Variants in CRISPLD2 observed in about 807,000 individuals in gnomAD.
The protein encoded by CRISPLD2 is cysteine rich secretory protein LCCL domain containing 2.
Under a neutral mutation model 71.1 loss-of-function variants are expected in CRISPLD2, and 47 were observed. The observed-to-expected ratio is 0.66, with a 90% CI of 0.52 to 0.84. The LOEUF is 0.84. Ranked by LOEUF, CRISPLD2 falls within the 40% of genes least tolerant of loss-of-function variation. The pLI, the probability that CRISPLD2 is intolerant of heterozygous loss-of-function variation, is 0.00. For synonymous variants in CRISPLD2, 317 were observed against 250.1 expected (o/e 1.27, Z -2.52); for missense variants, 830 against 651.1 (o/e 1.27, Z -2.99).
intron 1 of CRISPLD2, among the ~76,000 whole-genome samples, chr16:84,826,719 G>T (rs1227481634): frequency 6.6e-6 from 1 of 152,240 alleles, no homozygotes; most frequent in African/African-American, 2.4e-5. Flanking sequence ...CTCAGACTTG[G>T]GATGAACTGG....
At chr16:84,881,676 A>G (rs1227150766) in intron 13 of CRISPLD2, among the ~76,000 whole-genome samples, 2 of 152,100 alleles carry the variant, frequency 1.3e-5, no homozygotes, top group African/African-American at 2.4e-5. Flanking sequence ...AGGTCTCACT[A>G]TGTTGCCCAG....
At chr16:84,902,835 G>A (rs561723080) in intron 14 of CRISPLD2, among the ~76,000 whole-genome samples, 20 of 137,676 alleles carry the variant, frequency 1.5e-4, no homozygotes, top group Admixed American at 7.5e-4. Flanking sequence ...GTGCAGTGGC[G>A]TGATCTCGCT....
At chr16:84,834,152 T>C (rs1916557852) in intron 1 of CRISPLD2, among the ~76,000 whole-genome samples, 1 of 152,090 alleles carries the variant, frequency 6.6e-6, no homozygotes, top group Non-Finnish European at 1.5e-5. Context: ...GTGGGAGTGA[T>C]GGAGCCCAGA....
rs772762798 is a variant in CRISPLD2 at position 84,867,824 on chromosome 16, G to T, written c.853+784G>T. Among the ~76,000 whole-genome samples, 3 of 152,110 alleles carry T rather than the reference G, an allele frequency of 2.0e-5. No homozygotes were observed. The East Asian group carries it at 5.8e-4, about 29-fold the overall frequency. On this transcript the variant is annotated intron_variant, in intron 7 of 14. Coordinates refer to ENST00000262424, the MANE Select transcript of CRISPLD2 (RefSeq NM_031476.4). The stretch of plus-strand genomic sequence containing the variant: ...TTGACTCTTCCCCTGCTCACCTTTG[G>T]CCTTTTGGCTCCCTGGGCACCTCAG...
intron 1 of CRISPLD2, among the ~76,000 whole-genome samples, chr16:84,825,741 C>T (rs927110359): frequency 3.3e-5 from 5 of 151,170 alleles, no homozygotes; most frequent in South Asian, 2.1e-4. Flanking sequence ...GGTGACAGAG[C>T]GAGACTCCAT....
chr16:84,827,930 G>GC (rs1425541259), intron 1 of CRISPLD2, among the ~76,000 whole-genome samples: 1 of 152,104 alleles, frequency 6.6e-6, no homozygotes, highest in Non-Finnish European at 1.5e-5. Context: ...GAGTGGTTCT[G>GC]CCCCCCTCCT....
intron 11 of CRISPLD2, 75 bp from the exon 12 acceptor site, chr16:84,877,363 C>T (rs2071528325): frequency 3.7e-6 from 5 of 1,339,836 alleles, no homozygotes; most frequent in Non-Finnish European, 5.3e-6. Context: ...AGTCTAGTGG[C>T]CCATTGCACA....
intron 2 of CRISPLD2, among the ~76,000 whole-genome samples, chr16:84,844,809 T>TCGCTGA (rs1469056469): frequency 2.6e-5 from 4 of 152,120 alleles, no homozygotes; most frequent in Non-Finnish European, 5.9e-5. Flanking sequence ...GGCCTGTGTG[T>TCGCTGA]CGCTGACGTG....
intron 1 of CRISPLD2, among the ~76,000 whole-genome samples, chr16:84,824,632 T>G (rs1916306452): frequency 6.6e-6 from 1 of 152,176 alleles, no homozygotes; most frequent in African/African-American, 2.4e-5. Context: ...ACAAAGCCTT[T>G]GGTTGGTGTC....
chr16:84,841,795 A>G (rs757793234), intron 2 of CRISPLD2, among the ~76,000 whole-genome samples: 17 of 152,120 alleles, frequency 1.1e-4, no homozygotes, highest in Non-Finnish European at 2.1e-4. Context: ...GGTGTTTGCC[A>G]TGTTGGCCAG....
At chr16:84,906,410 C>G (rs2646107) in intron 14 of CRISPLD2, among the ~76,000 whole-genome samples, 178 bp from the exon 15 acceptor site, 123,559 of 152,110 alleles carry the variant, frequency 0.81, 50,669 homozygotes, top group African/African-American at 0.93. Flanking sequence ...GGATTTGCCA[C>G]CTGTTCTCAA....
rs74934991 is a variant in CRISPLD2, at chr16:84,868,968, C to G, written c.914+57C>G. ...AGCCTCTGAGTCTGTGCTGGGCTGT[C>G]CTACCACTGTGGCCTCTGGGCCTAT... On this transcript the variant is annotated intron_variant, in intron 8 of 14. Transcript: ENST00000262424. 8.2e-4 allele frequency: 1,195 copies of G among 1,464,622 alleles called. 7 individuals are homozygous for G. In the African/African-American group the frequency reaches 0.016, roughly 19 times the overall value. 90.7% of individuals were successfully genotyped at this position (1,464,622 alleles called of 1,614,324 possible).
intron 1 of CRISPLD2, among the ~76,000 whole-genome samples, chr16:84,830,793 T>C (rs752026634): frequency 3.3e-5 from 5 of 152,206 alleles, no homozygotes; most frequent in Admixed American, 2.0e-4. Context: ...CATTTTACTG[T>C]GGCCTCTGCT....
Position 84,880,140 on chromosome 16 carries a change from G to A in CRISPLD2, c.1230-369G>A, listed in dbSNP as rs113928575. ...GCGGCCTTAGAAAAAGTCTCTTGATGCTAATCTCCATAATGTACCCACAGT... is the reference window on the plus strand; with the variant it reads ...GCGGCCTTAGAAAAAGTCTCTTGATACTAATCTCCATAATGTACCCACAGT... On this transcript the variant is annotated intron_variant, in intron 12 of 14. Transcript: ENST00000262424. Among the ~76,000 whole-genome samples, 8 of 152,268 alleles carry A rather than the reference G, an allele frequency of 5.3e-5. 2 individuals carry two copies. Among genetic ancestry groups the A allele is most frequent in the African/African-American group, 1.9e-4 (8 of 41,546 alleles).
intron 13 of CRISPLD2, among the ~76,000 whole-genome samples, chr16:84,886,111 A>G (rs2071610820): frequency 6.6e-6 from 1 of 151,974 alleles, no homozygotes; most frequent in Non-Finnish European, 1.5e-5. Flanking sequence ...GCTGATCTCA[A>G]ACTCCTGTCC....
At chr16:84,859,726 A>G (rs1272922122) in intron 6 of CRISPLD2, among the ~76,000 whole-genome samples, 3 of 152,224 alleles carry the variant, frequency 2.0e-5, no homozygotes, top group Admixed American at 1.3e-4. Context: ...GAGCAGCACA[A>G]TTAATTAGCC....
Position 84,909,125 on chromosome 16 carries a change from C to A in CRISPLD2, c.*2483C>A, listed in dbSNP as rs1011186034. 1 of 152,568 alleles carries A rather than the reference C, an allele frequency of 6.6e-6. No individual in the cohort carries two copies. Among genetic ancestry groups the A allele is most frequent in the African/African-American group, 2.4e-5 (1 of 41,400 alleles). The allele number at this position is 152,568 out of a possible 1,614,324, so 9.5% of individuals were successfully genotyped here. A position where few individuals can be genotyped will look rare whatever the true frequency, so the allele number is the denominator to read the frequency against. On this transcript the variant is annotated 3_prime_UTR_variant, in exon 15 of 15. Transcript: ENST00000262424. ...TCCTGTGTGTGGAATAGAGGCCCCT[C>A]GTGCTACCAACACTTACCCTGTGTT... is the stretch of plus-strand genomic sequence containing the variant.
At chr16:84,850,967 T>G (rs112038867) in intron 5 of CRISPLD2, among the ~76,000 whole-genome samples, 5 of 152,232 alleles carry the variant, frequency 3.3e-5, no homozygotes, top group African/African-American at 1.2e-4. Flanking sequence ...GTCAAAGGGC[T>G]CTCTCCTTAG....
intron 1 of CRISPLD2, among the ~76,000 whole-genome samples, chr16:84,838,188 T>C (rs1916672695): frequency 6.6e-6 from 1 of 152,162 alleles, no homozygotes; most frequent in African/African-American, 2.4e-5. Context: ...GGAAGAACTG[T>C]TCTAGGTTAT....
Sources: allele counts gnomAD v4.1 joint callset (sites outside exome capture counted in the v4.1 genomes callset), GRCh38; gene constraint gnomAD v4.1.1; transcripts MANE v1.5; gene names NCBI Gene and HGNC (gene_info 2026-07-23, HGNC 2026-07-21).